CBFA2T3: variants seen among roughly 807,000 people sequenced by gnomAD.
CBFA2T3 encodes the protein transcriptional corepressor CBFA2T3.
In CBFA2T3, 31 loss-of-function variants were observed where a neutral mutation model predicts 58.6. The ratio of observed to expected loss-of-function variants is 0.53; its 90% CI spans 0.40 to 0.71. The LOEUF (loss-of-function observed/expected upper bound fraction) is 0.71, where lower values mean the gene tolerates loss of function less well. Among genes scored for constraint, CBFA2T3 ranks in the 30% least tolerant of loss-of-function variants. The pLI is 0.00. For synonymous variants in CBFA2T3, 531 were observed against 421.9 expected, an observed-to-expected ratio of 1.26 and a Z score of -3.17; for missense variants, 1,076 against 963.1, an observed-to-expected ratio of 1.12 and a Z score of -1.55.
At chr16:88,948,269 A>G (rs913351573) in intron 1 of CBFA2T3, among the ~76,000 whole-genome samples, 3 of 152,366 alleles carry the variant, frequency 2.0e-5, no homozygotes, top group African/African-American at 7.2e-5. Flanking sequence ...TCATGCAAAG[A>G]CAAGAAATCA....
At chr16:88,912,899 C>T (rs940640550) in intron 1 of CBFA2T3, among the ~76,000 whole-genome samples, 2 of 152,222 alleles carry the variant, frequency 1.3e-5, no homozygotes, top group African/African-American at 2.4e-5. Context: ...CCCGGGGGTG[C>T]GTCTGAGGAA....
chr16:88,976,158 G>A (rs1972855794), intron 1 of CBFA2T3, among the ~76,000 whole-genome samples: 1 of 152,198 alleles, frequency 6.6e-6, no homozygotes. Flanking sequence ...GCCCTGGCTG[G>A]AATCGTTCCT....
At chr16:88,891,501 G>A (rs1450959411) in intron 5 of CBFA2T3, among the ~76,000 whole-genome samples, 1 of 152,204 alleles carries the variant, frequency 6.6e-6, no homozygotes, top group African/African-American at 2.4e-5. Context: ...CTATCCCCGA[G>A]CCTTGCCCCC....
At chr16:88,880,611 G>A in intron 10 of CBFA2T3, 109 bp downstream of exon 10, 2 of 909,616 alleles carry the variant, frequency 2.2e-6, no homozygotes, top group East Asian at 5.3e-5. Flanking sequence ...CTTGTAGCCT[G>A]AGCCCCCAGA....
intron 11 of CBFA2T3, among the ~76,000 whole-genome samples, chr16:88,877,648 T>C (rs1322743381): frequency 1.3e-5 from 2 of 152,052 alleles, no homozygotes; most frequent in East Asian, 3.9e-4. Context: ...CTCTGCTGCA[T>C]CCACACCCAC....
intron 3 of CBFA2T3, among the ~76,000 whole-genome samples, chr16:88,895,783 G>T (rs1969866259): frequency 6.6e-6 from 1 of 152,212 alleles, no homozygotes; most frequent in South Asian, 2.1e-4. Flanking sequence ...AGGAAGTCCA[G>T]ACAGACACGG....
intron 1 of CBFA2T3, among the ~76,000 whole-genome samples, chr16:88,911,469 G>A (rs1023967920): frequency 6.6e-6 from 1 of 152,262 alleles, no homozygotes; most frequent in East Asian, 1.9e-4. Flanking sequence ...AGCCCTCTGT[G>A]GCCCTGCCAC....
chr16:88,969,159 C>A (rs1446084996), intron 1 of CBFA2T3, among the ~76,000 whole-genome samples: 1 of 152,216 alleles, frequency 6.6e-6, no homozygotes, highest in African/African-American at 2.4e-5. Flanking sequence ...CCGGGGTCAC[C>A]GCCATCTGGA....
chr16:88,951,947 C>T (rs1972084802), intron 1 of CBFA2T3, among the ~76,000 whole-genome samples: 1 of 152,188 alleles, frequency 6.6e-6, no homozygotes, highest in African/African-American at 2.4e-5. Context: ...CCAGGTGTCC[C>T]TGACGCCTCC....
At chr16:88,941,297 G>C in intron 1 of CBFA2T3, 1 of 435,356 alleles carries the variant, frequency 2.3e-6, no homozygotes. Context: ...CCCGCGCCGG[G>C]TCCAGCCGCC....
intron 1 of CBFA2T3, among the ~76,000 whole-genome samples, chr16:88,914,379 T>C (rs994684790): frequency 8.5e-5 from 13 of 152,224 alleles, no homozygotes; most frequent in African/African-American, 2.9e-4. Flanking sequence ...CACTTCTGTG[T>C]GCAGTGCTGC....
At chr16:88,957,070 C>T (rs549784436) in intron 1 of CBFA2T3, among the ~76,000 whole-genome samples, 4 of 152,212 alleles carry the variant, frequency 2.6e-5, no homozygotes, top group Non-Finnish European at 2.9e-5. Flanking sequence ...GTCTTTGTCA[C>T]GCTCTCTCCC....
In CBFA2T3 at chr16:88,897,451, C is replaced by A. The variant is rs1234609744; in HGVS notation, c.379+627G>T. 5.3e-5 allele frequency among the ~76,000 whole-genome samples: 8 copies of A among 152,372 alleles called. No individual in the cohort carries two copies. The East Asian group carries it at 1.2e-3, about 22-fold the overall frequency. On this transcript the variant is annotated intron_variant, in intron 3 of 11. Transcript: ENST00000268679. ...CAGTGGTTGACAAAAACTATAACCA[C>A]CACCTGGTAAGAGCCCATGCTCCCT...
chr16:88,953,879 C>A lies in CBFA2T3; in HGVS notation c.151+22778G>T, dbSNP rs1326001342. On this transcript the variant is annotated intron_variant, in intron 1 of 11. Coordinates refer to ENST00000268679, the MANE Select transcript of CBFA2T3 (RefSeq NM_005187.6). The surrounding 1 kb of genome is among the most constrained non-coding windows in gnomAD (Gnocchi z 4.9). Reference sequence around the variant, plus strand: ...GGGCTGCCATGGGCCTTGTCACCTGCATTGGGCTGGTGAGGACAGGGACAG... The same window carrying A: ...GGGCTGCCATGGGCCTTGTCACCTGAATTGGGCTGGTGAGGACAGGGACAG... Among the ~76,000 whole-genome samples the A allele has an allele frequency of 6.6e-6, 1 of 152,118 alleles. No individual in the cohort carries two copies. Among genetic ancestry groups the A allele is most frequent in the African/African-American group, 2.4e-5 (1 of 41,410 alleles).
At chr16:88,941,663 G>A (rs1331564963) in intron 1 of CBFA2T3, 10 of 148,472 alleles carry the variant, frequency 6.7e-5, no homozygotes, top group Admixed American at 5.3e-4. Flanking sequence ...GCAGGCGGGG[G>A]CGAGCGAAGA....
chr16:88,901,607 C>T lies in CBFA2T3; in HGVS notation c.201G>A (p.Ala67=), dbSNP rs138045283. The change falls in exon 2 of 12, where the codon GCG becomes GCA. Residue 67 remains alanine, a synonymous_variant. Transcript: ENST00000268679. ...TGGACCGGGGCTGCGTCTTCACCTC[C>T]GCTGGGGAGTCCGGCATCGCTGAGG... is the stretch of plus-strand genomic sequence containing the variant. ...AKASAMPDSP[A]EVKTQPRSTP... The T allele has an allele frequency of 9.0e-4, 1,365 of 1,522,874 alleles. 14 individuals carry two copies. The African/African-American group carries it at 0.018, about 20-fold the overall frequency. 94.3% of individuals were successfully genotyped at this position (1,522,874 alleles called of 1,614,324 possible).
chr16:88,912,008 G>A lies in CBFA2T3; in HGVS notation c.152-10352C>T, dbSNP rs184076022. ...CAGGGCATGCCTTCAGCCGGCCTGG[G>A]TGCAGAGGTCCCGTCTGTCACAGAA... On this transcript the variant is annotated intron_variant, in intron 1 of 11. Coordinates refer to ENST00000268679, the MANE Select transcript of CBFA2T3 (RefSeq NM_005187.6). Among the ~76,000 whole-genome samples the A allele has an allele frequency of 5.9e-5, 9 of 152,384 alleles. No individual in the cohort carries two copies. In the East Asian group the frequency reaches 9.6e-4, roughly 16 times the overall value.
chr16:88,909,876 C>T (rs1016390490), intron 1 of CBFA2T3, among the ~76,000 whole-genome samples: 1 of 152,242 alleles, frequency 6.6e-6, no homozygotes, highest in African/African-American at 2.4e-5. Flanking sequence ...CTTGGCCGGG[C>T]AGCCGTCCAG....
intron 3 of CBFA2T3, among the ~76,000 whole-genome samples, chr16:88,895,433 G>A (rs1036726559): frequency 3.3e-5 from 5 of 152,210 alleles, no homozygotes; most frequent in South Asian, 4.1e-4. Flanking sequence ...CACAGGCTGC[G>A]CGGTTATCAC....
Sources: gnomAD v4.1 joint callset for allele counts (sites outside exome capture counted in the v4.1 genomes callset) on GRCh38, gnomAD v4.1.1 for gene constraint, Gnocchi (gnomAD v3.1) non-coding constraint, MANE v1.5 for transcripts, NCBI Gene and HGNC (gene_info 2026-07-23, HGNC 2026-07-21) for gene names.